FAM20B: variants seen among roughly 807,000 people sequenced by gnomAD.
FAM20B encodes the protein FAM20B glycosaminoglycan xylosylkinase.
A neutral mutation model predicts 43.8 loss-of-function variants in FAM20B; 23 were observed. That is an observed-to-expected ratio of 0.53 (90% CI 0.38 to 0.74). The LOEUF is 0.74. Ranked by LOEUF, FAM20B falls within the 30% of genes least tolerant of loss-of-function variation. The pLI is 0.00. For synonymous variants in FAM20B, 178 were observed against 192.4 expected, an observed-to-expected ratio of 0.93 and a Z score of 0.62; for missense variants, 440 against 510.5, an observed-to-expected ratio of 0.86 and a Z score of 1.33.
Position 179,072,207 on chromosome 1 carries a change from C to T in FAM20B, c.*63C>T, listed in dbSNP as rs1287240782. 8.3e-6 allele frequency: 11 copies of T among 1,320,320 alleles called. No homozygotes were observed. The East Asian group carries it at 2.2e-4, about 27-fold the overall frequency. 81.8% of individuals were successfully genotyped at this position (1,320,320 alleles called of 1,614,324 possible). ...GATAGAGAAACAGCACAATCAATTCCAAATGGTATGAGATGGATTGGAAGT... is the reference window on the plus strand; with the variant it reads ...GATAGAGAAACAGCACAATCAATTCTAAATGGTATGAGATGGATTGGAAGT... On this transcript the variant is annotated 3_prime_UTR_variant, in exon 8 of 8. Transcript: ENST00000263733.
At position 179,074,873 on chromosome 1, in the gene FAM20B, C is replaced by G. The variant is rs956997579; in HGVS notation, c.*2729C>G. The G allele has an allele frequency of 2.0e-5, 3 of 152,142 alleles. No individual in the cohort carries two copies. Among genetic ancestry groups the G allele is most frequent in the East Asian group, 3.9e-4 (2 of 5,192 alleles). 9.4% of individuals were successfully genotyped at this position (152,142 alleles called of 1,614,324 possible). ...TTACAGCTCTAAAATTCAGAAAGCC[C>G]TAAAATTTCAAACACTGTTTGAAAG... On this transcript the variant is annotated 3_prime_UTR_variant, in exon 8 of 8. Coordinates refer to ENST00000263733, the MANE Select transcript of FAM20B (RefSeq NM_014864.4).
intron 1 of FAM20B, among the ~76,000 whole-genome samples, chr1:179,034,966 C>CAG (rs1650158285): frequency 1.3e-5 from 2 of 152,250 alleles, no homozygotes; most frequent in East Asian, 3.9e-4. Flanking sequence ...TTGCTATGAG[C>CAG]AGAGGTTGGT....
At chr1:179,067,821 T>TG (rs989150345) in intron 7 of FAM20B, among the ~76,000 whole-genome samples, 5 of 152,138 alleles carry the variant, frequency 3.3e-5, no homozygotes, top group Non-Finnish European at 7.4e-5. Flanking sequence ...AGGAGTGTGG[T>TG]GGTGCGATCT....
Position 179,044,097 on chromosome 1 carries a change from C to T in FAM20B, c.250C>T (p.Leu84=). The T allele has an allele frequency of 6.2e-7, 1 of 1,614,074 alleles. No individual in the cohort carries two copies. The highest frequency in any genetic ancestry group is 8.5e-7 in the Non-Finnish European group (1 of 1,180,016). The part of the protein sequence containing the change: ...REVYPEETPE[L]GAVMHAMATK... ...AGTGTACCCTGAAGAGACACCAGAG[C>T]TGGGGGCAGTCATGCATGCCATGGC... Residue 84 remains leucine, a synonymous_variant, in exon 2 of 8, where the codon CTG becomes TTG. Coordinates refer to ENST00000263733, the MANE Select transcript of FAM20B (RefSeq NM_014864.4).
intron 4 of FAM20B, among the ~76,000 whole-genome samples, chr1:179,059,801 A>G (rs4322196): frequency 0.71 from 107,412 of 151,634 alleles, 39,199 homozygotes; most frequent in African/African-American, 0.88. Flanking sequence ...ATGAAATTTC[A>G]TCTCTACTAA....
At chr1:179,020,152 TATACAC>T in the FAM20B span, among the ~76,000 whole-genome samples, 8 of 112,428 alleles carry the variant, frequency 7.1e-5, no homozygotes, top group African/African-American at 2.4e-4. Flanking sequence ...TATGTGTGTG[TATACAC>T]ACACACACAC....
chr1:179,054,770 C>G (rs1204785536), intron 4 of FAM20B, 132 bp downstream of exon 4: 1 of 497,296 alleles, frequency 2.0e-6, no homozygotes, highest in Non-Finnish European at 3.6e-6. Context: ...ATCAGACAAC[C>G]AGCTCTCAGG....
intron 4 of FAM20B, among the ~76,000 whole-genome samples, chr1:179,063,462 C>T (rs1651560664): frequency 2.0e-5 from 3 of 151,952 alleles, no homozygotes; most frequent in African/African-American, 4.8e-5. Flanking sequence ...GAGGCATATA[C>T]CTATAGTTCC....
Position 179,072,390 on chromosome 1 carries a change from G to C in FAM20B, c.*246G>C. ...CTCGGCAATTGCTCATTCTAGGGTTGGGCATCATAGTTGGTCAGTCTTAAT... is the reference window on the plus strand; with the variant it reads ...CTCGGCAATTGCTCATTCTAGGGTTCGGCATCATAGTTGGTCAGTCTTAAT... On this transcript the variant is annotated 3_prime_UTR_variant, in exon 8 of 8. Transcript: ENST00000263733. The C allele has an allele frequency of 4.0e-6, 2 of 502,884 alleles. No homozygotes were observed. Among genetic ancestry groups the C allele is most frequent in the Non-Finnish European group, 7.2e-6 (2 of 277,702 alleles). The allele number at this position is 502,884 out of a possible 1,614,324, so 31.2% of individuals were successfully genotyped here. A position where few individuals can be genotyped will look rare whatever the true frequency, so the allele number is the denominator to read the frequency against.
the FAM20B span, among the ~76,000 whole-genome samples, chr1:179,018,769 A>G: frequency 2.0e-5 from 3 of 152,232 alleles, no homozygotes; most frequent in Non-Finnish European, 4.4e-5. Context: ...AGAGAAACAG[A>G]ACCAATAGGA....
At chr1:179,047,318 C>A (rs775842590) in intron 2 of FAM20B, among the ~76,000 whole-genome samples, 1 of 152,158 alleles carries the variant, frequency 6.6e-6, no homozygotes, top group Admixed American at 6.5e-5. Context: ...CGTTCTTCCC[C>A]GTTCTTCCCC....
At chr1:179,023,090 G>C (rs1191070274), upstream of FAM20B, among the ~76,000 whole-genome samples, 2 of 152,232 alleles carry the variant, frequency 1.3e-5, no homozygotes, top group African/African-American at 2.4e-5. Context: ...GGCAGTAAAT[G>C]CCAAGCACAG....
intron 1 of FAM20B, among the ~76,000 whole-genome samples, chr1:179,033,796 G>A (rs1021772713): frequency 2.0e-5 from 3 of 152,074 alleles, no homozygotes; most frequent in East Asian, 1.9e-4. Flanking sequence ...GGGTTCAAGC[G>A]ATTCTCCTGC....
chr1:179,058,822 A>G (rs554716262), intron 4 of FAM20B, among the ~76,000 whole-genome samples: 4 of 152,328 alleles, frequency 2.6e-5, no homozygotes, highest in East Asian at 3.9e-4. Flanking sequence ...GGGCTATTCA[A>G]GAGTTGGAAT....
In FAM20B at chr1:179,072,212, G is replaced by A; in HGVS notation, c.*68G>A. 7.9e-7 allele frequency: 1 copy of A among 1,259,986 alleles called. No individual in the cohort carries two copies. 78.1% of individuals were successfully genotyped at this position (1,259,986 alleles called of 1,614,324 possible). ...AGAAACAGCACAATCAATTCCAAAT[G>A]GTATGAGATGGATTGGAAGTGGCCA... On this transcript the variant is annotated 3_prime_UTR_variant, in exon 8 of 8. Coordinates refer to ENST00000263733, the MANE Select transcript of FAM20B (RefSeq NM_014864.4).
intron 2 of FAM20B, among the ~76,000 whole-genome samples, chr1:179,045,236 G>C (rs1324796539): frequency 2.0e-5 from 3 of 152,188 alleles, no homozygotes; most frequent in Non-Finnish European, 4.4e-5. Context: ...GTATGAATCT[G>C]AATTAGGTTA....
At chr1:179,046,860 T>C (rs6425514) in intron 2 of FAM20B, among the ~76,000 whole-genome samples, 85,147 of 151,648 alleles carry the variant, frequency 0.56, 25,429 homozygotes, top group African/African-American at 0.77. Flanking sequence ...AAAAATTAGC[T>C]AGGCACGTGC....
At chr1:179,035,230 A>ATT in intron 1 of FAM20B, 2 of 457,070 alleles carry the variant, frequency 4.4e-6, no homozygotes, top group South Asian at 2.0e-5. Context: ...CATCAGCCAG[A>ATT]TTTTTTTTTA....
intron 1 of FAM20B, among the ~76,000 whole-genome samples, chr1:179,035,048 G>A (rs1239961983): frequency 2.0e-5 from 3 of 152,190 alleles, no homozygotes; most frequent in Non-Finnish European, 4.4e-5. Flanking sequence ...GATTCAAGGG[G>A]ACACTTCTAA....
Sources: gnomAD v4.1 joint callset for allele counts (sites outside exome capture counted in the v4.1 genomes callset) on GRCh38, gnomAD v4.1.1 for gene constraint, MANE v1.5 for transcripts, NCBI Gene and HGNC (gene_info 2026-07-23, HGNC 2026-07-21) for gene names.